Variants in MALRD1 observed in about 807,000 individuals in gnomAD.
MALRD1 encodes MAM and LDL receptor class A domain containing 1.
In MALRD1, 247 loss-of-function variants were observed where a neutral mutation model predicts 242.1. The ratio of observed to expected loss-of-function variants is 1.02; its 90% CI spans 0.92 to 1.13. The LOEUF is 1.13. MALRD1 is among the 50% of genes most tolerant of loss of function. The pLI is 0.00. For missense variants in MALRD1, 2,989 were observed against 2,533.1 expected (o/e 1.18, Z -3.86); for synonymous variants, 995 against 866.6 (o/e 1.15, Z -2.60).
rs1833135837 is a variant in MALRD1 at position 19,692,693 on chromosome 10, T to C, written c.6314+139T>C. The C allele has an allele frequency of 5.4e-5, 34 of 632,328 alleles. 1 individual carries two copies. In the South Asian group the frequency reaches 7.1e-4, roughly 13 times the overall value. 39.2% of individuals were successfully genotyped at this position (632,328 alleles called of 1,614,324 possible). On this transcript the variant is annotated intron_variant, in intron 38 of 39. Coordinates refer to ENST00000454679, the MANE Select transcript of MALRD1 (RefSeq NM_001142308.3). ...GTTTTGCTGCTTTATGGATTTATTT[T>C]TCTGGGCAGAAAAGAGGAGCTACCT...
intron 1 of MALRD1, among the ~76,000 whole-genome samples, chr10:19,062,629 A>C (rs1380617814): frequency 6.6e-6 from 1 of 152,204 alleles, no homozygotes; most frequent in Admixed American, 6.5e-5. Context: ...ACTCACATAC[A>C]CACAGAAAAA....
At chr10:19,311,472 G>A (rs190713115) in intron 21 of MALRD1, among the ~76,000 whole-genome samples, 3 of 151,464 alleles carry the variant, frequency 2.0e-5, no homozygotes, top group Admixed American at 1.3e-4. Context: ...TTGCTAGGAT[G>A]TGATGAACTG....
intron 36 of MALRD1, among the ~76,000 whole-genome samples, chr10:19,619,786 T>C (rs1839322279): frequency 6.6e-6 from 1 of 152,060 alleles, no homozygotes; most frequent in Non-Finnish European, 1.5e-5. Context: ...GTTCAAGATA[T>C]CAAAACTAAA....
intron 14 of MALRD1, among the ~76,000 whole-genome samples, chr10:19,190,899 A>G (rs1588675545): frequency 1.3e-5 from 2 of 152,200 alleles, no homozygotes; most frequent in Admixed American, 1.3e-4. Flanking sequence ...GTGTCTGTCA[A>G]TGATTTAATG....
intron 29 of MALRD1, among the ~76,000 whole-genome samples, chr10:19,475,869 C>G (rs1836704827): frequency 6.6e-6 from 1 of 152,142 alleles, no homozygotes. Context: ...CATTAAAGCA[C>G]ATTAATGTTA....
chr10:19,115,324 A>T lies in MALRD1; in HGVS notation c.695-8168A>T, dbSNP rs78959019. ...GAGGTGTCTAGAGACACCCAAGAGG[A>T]GGTCTATACTCTGGGTGACCAAATA... On this transcript the variant is annotated intron_variant, in intron 5 of 39. Coordinates refer to ENST00000454679, the MANE Select transcript of MALRD1 (RefSeq NM_001142308.3). Among the ~76,000 whole-genome samples the T allele has an allele frequency of 3.3e-5, 5 of 152,232 alleles. No individual in the cohort carries two copies. In the East Asian group the frequency reaches 9.7e-4, roughly 30 times the overall value.
In MALRD1 at chr10:19,149,077, C is replaced by CATCTATCTATCTATCT. The variant is rs10657245; in HGVS notation, c.1558+2767_1558+2782dup. Among the ~76,000 whole-genome samples the CATCTATCTATCTATCT allele has an allele frequency of 8.2e-3, 1,183 of 144,022 alleles. 14 individuals are homozygous for CATCTATCTATCTATCT. The highest frequency in any genetic ancestry group is 0.012 in the Admixed American group (172 of 14,266). The allele number at this position is 144,022 out of a possible 152,430, so 94.5% of individuals were successfully genotyped here. On this transcript the variant is annotated intron_variant, in intron 11 of 39. Transcript: ENST00000454679. ...CAGCTTTTAAATCTGTCTATCTGTC[C>CATCTATCTATCTATCT]ATCTATCTATCTATCTATCTATCTA...
chr10:19,375,522 A>G (rs1029343830), intron 26 of MALRD1, among the ~76,000 whole-genome samples: 1 of 152,184 alleles, frequency 6.6e-6, no homozygotes, highest in Non-Finnish European at 1.5e-5. Flanking sequence ...GCCCTGGATA[A>G]GGACACACAT....
At chr10:19,072,893 GT>G (rs1034145195) in intron 2 of MALRD1, among the ~76,000 whole-genome samples, 1 of 151,824 alleles carries the variant, frequency 6.6e-6, no homozygotes, top group Admixed American at 6.6e-5. Context: ...GAATTACAGT[GT>G]CTTTTTTTCA....
At chr10:19,640,392 A>G (rs1840328880) in intron 36 of MALRD1, among the ~76,000 whole-genome samples, 1 of 152,078 alleles carries the variant, frequency 6.6e-6, no homozygotes, top group South Asian at 2.1e-4. Flanking sequence ...CCCGGACTTC[A>G]TTGTCTTCTA....
At chr10:19,487,524 T>A (rs1837289768) in intron 29 of MALRD1, among the ~76,000 whole-genome samples, 2 of 151,804 alleles carry the variant, frequency 1.3e-5, no homozygotes, top group African/African-American at 4.8e-5. Context: ...TAACTTTTTT[T>A]TTTTTTTTTT....
intron 36 of MALRD1, among the ~76,000 whole-genome samples, chr10:19,686,092 C>A (rs950661555): frequency 2.0e-5 from 3 of 151,942 alleles, no homozygotes; most frequent in African/African-American, 7.3e-5. Context: ...AGAGTTCCAC[C>A]GAGGGGCATA....
intron 35 of MALRD1, among the ~76,000 whole-genome samples, chr10:19,613,273 A>G (rs1238594071): frequency 6.6e-6 from 1 of 152,038 alleles, no homozygotes; most frequent in African/African-American, 2.4e-5. Flanking sequence ...TAAATATTTC[A>G]TCTGAGGTTC....
intron 29 of MALRD1, chr10:19,489,536 T>G: frequency 1.9e-5 from 11 of 569,834 alleles, no homozygotes; most frequent in East Asian, 1.3e-4. Context: ...AAGGAGGGAA[T>G]CCCATCTCAT....
chr10:19,211,025 T>C (rs1489376686), intron 18 of MALRD1, among the ~76,000 whole-genome samples: 1 of 152,230 alleles, frequency 6.6e-6, no homozygotes, highest in Non-Finnish European at 1.5e-5. Flanking sequence ...CTTTGACTTT[T>C]ATGTAATAAT....
intron 32 of MALRD1, among the ~76,000 whole-genome samples, chr10:19,548,617 T>C (rs1835349794): frequency 6.6e-6 from 1 of 152,142 alleles, no homozygotes; most frequent in African/African-American, 2.4e-5. Context: ...GATGCTACTA[T>C]TGTATTTTTT....
intron 26 of MALRD1, among the ~76,000 whole-genome samples, chr10:19,366,863 G>T (rs938788168): frequency 6.6e-6 from 1 of 152,090 alleles, no homozygotes. Flanking sequence ...GCAAATTTCA[G>T]TGTATGAAAT....
intron 20 of MALRD1, among the ~76,000 whole-genome samples, chr10:19,280,947 T>C (rs1408356652): frequency 6.6e-6 from 1 of 152,192 alleles, no homozygotes; most frequent in Non-Finnish European, 1.5e-5. Flanking sequence ...CCATCATATT[T>C]CTCAAGTGTC....
chr10:19,260,307 C>T (rs1004888109), intron 19 of MALRD1, among the ~76,000 whole-genome samples: 1 of 152,088 alleles, frequency 6.6e-6, no homozygotes, highest in Admixed American at 6.6e-5. Context: ...ACAGATAGAT[C>T]TTAATCATAG....
Sources: gnomAD v4.1 joint callset for allele counts (sites outside exome capture counted in the v4.1 genomes callset) on GRCh38, gnomAD v4.1.1 for gene constraint, MANE v1.5 for transcripts, NCBI Gene and HGNC (gene_info 2026-07-23, HGNC 2026-07-21) for gene names.